The following CROT variants were observed in gnomAD, a reference collection of about 807,000 sequenced individuals.
The protein encoded by CROT is carnitine O-octanoyltransferase, also known as peroxisomal carnitine O-octanoyltransferase.
CROT carries 84 observed loss-of-function variants against 89.2 expected under a neutral mutation model. The observed-to-expected ratio is 0.94, with a 90% CI of 0.79 to 1.13. CROT has a LOEUF of 1.13. CROT is among the 50% of genes most tolerant of loss of function. The pLI is 0.00. For missense variants in CROT, 711 were observed against 727.8 expected, an observed-to-expected ratio of 0.98 and a Z score of 0.27; for synonymous variants, 212 against 239.5, an observed-to-expected ratio of 0.89 and a Z score of 1.06.
chr7:87,353,230 C>A (rs932515070), intron 3 of CROT, among the ~76,000 whole-genome samples: 6 of 152,006 alleles, frequency 3.9e-5, no homozygotes, highest in Admixed American at 3.9e-4. Context: ...TCACTGCAAC[C>A]TCTGCTCCCT....
chr7:87,378,889 G>T (rs1438155709), intron 10 of CROT, among the ~76,000 whole-genome samples: 1 of 152,148 alleles, frequency 6.6e-6, no homozygotes, highest in Non-Finnish European at 1.5e-5. Context: ...TTGGTTAATA[G>T]GCACTGAAAG....
intron 17 of CROT, among the ~76,000 whole-genome samples, chr7:87,394,041 A>G (rs1807448774): frequency 6.6e-6 from 1 of 152,202 alleles, no homozygotes; most frequent in East Asian, 1.9e-4. Context: ...TACAAAGTTG[A>G]AATTTATCAA....
chr7:87,379,677 T>C (rs1478465487), intron 10 of CROT, among the ~76,000 whole-genome samples: 1 of 152,236 alleles, frequency 6.6e-6, no homozygotes, highest in Non-Finnish European at 1.5e-5. Context: ...TTTATGTGTG[T>C]GCATTAACAT....
rs776822170 is a variant in CROT at position 87,382,481 on chromosome 7, G to A, written c.1239G>A (p.Met413Ile). Residue 413 changes from methionine (M) to isoleucine (I), a missense_variant, in exon 13 of 18, where the codon ATG becomes ATA. Coordinates refer to ENST00000331536, the MANE Select transcript of CROT (RefSeq NM_021151.4). Reference sequence around the variant, plus strand: ...GCAAAAAGCTAACCAAGAACAAGATGCTTCACCCGGATACGTTTATTCAGC... The same window carrying A: ...GCAAAAAGCTAACCAAGAACAAGATACTTCACCCGGATACGTTTATTCAGC... Reference protein sequence around the residue: ...SFGKKLTKNKMLHPDTFIQLA... With the variant: ...SFGKKLTKNKILHPDTFIQLA... 3.7e-6 allele frequency: 6 copies of A among 1,613,810 alleles called. No individual in the cohort carries two copies. The African/African-American group carries it at 8.0e-5, about 22-fold the overall frequency.
intron 7 of CROT, among the ~76,000 whole-genome samples, chr7:87,374,622 A>G (rs1226996866): frequency 6.6e-6 from 1 of 152,094 alleles, no homozygotes; most frequent in Non-Finnish European, 1.5e-5. Flanking sequence ...TTGCTCTGCT[A>G]TAGATGCAGA....
chr7:87,348,698 T>A (rs80073355), intron 2 of CROT, among the ~76,000 whole-genome samples: 3,491 of 152,328 alleles, frequency 0.023, 69 homozygotes, highest in Non-Finnish European at 0.033. Context: ...TATTCATATG[T>A]AAAATTGCAA....
intron 17 of CROT, among the ~76,000 whole-genome samples, chr7:87,395,270 G>GTTT (rs35015515): frequency 1.3e-5 from 2 of 151,858 alleles, no homozygotes; most frequent in East Asian, 1.9e-4. Context: ...GTCTTTTCAG[G>GTTT]TTTTTCTGCC....
chr7:87,373,281 T>G (rs1436160941), intron 7 of CROT, among the ~76,000 whole-genome samples: 1 of 152,162 alleles, frequency 6.6e-6, no homozygotes, highest in Non-Finnish European at 1.5e-5. Flanking sequence ...ATTTTTAAAT[T>G]AGTTTGTTTT....
intron 3 of CROT, chr7:87,357,575 C>G: frequency 1.5e-6 from 2 of 1,303,050 alleles, no homozygotes; most frequent in African/African-American, 2.9e-5. Context: ...GGATCTCACG[C>G]GGGAAGGAAT....
intron 17 of CROT, 43 bp from the exon 18 acceptor site, chr7:87,398,481 G>A (rs1246045111): frequency 6.2e-7 from 1 of 1,609,116 alleles, no homozygotes; most frequent in Non-Finnish European, 8.5e-7. Context: ...ATCACTATTT[G>A]GAGCCTTTTG....
chr7:87,397,729 A>T (rs113942547), intron 17 of CROT, among the ~76,000 whole-genome samples: 1 of 152,214 alleles, frequency 6.6e-6, no homozygotes, highest in Non-Finnish European at 1.5e-5. Flanking sequence ...ATCATTATAT[A>T]CTGGGCTAGA....
chr7:87,373,496 A>G (rs530045228), intron 7 of CROT, among the ~76,000 whole-genome samples: 1 of 152,216 alleles, frequency 6.6e-6, no homozygotes, highest in African/African-American at 2.4e-5. Flanking sequence ...ACCATTGCCT[A>G]ATCTGAGGAC....
chr7:87,399,346 G>C lies in CROT; in HGVS notation c.*702G>C, dbSNP rs973970169. On this transcript the variant is annotated 3_prime_UTR_variant, in exon 18 of 18. Coordinates refer to ENST00000331536, the MANE Select transcript of CROT (RefSeq NM_021151.4). Reference sequence around the variant, plus strand: ...AACTTAGCCGGGTATGGTGGTGCATGTGTGCCTGTAGTCCAAGCTACTTGA... The same window carrying C: ...AACTTAGCCGGGTATGGTGGTGCATCTGTGCCTGTAGTCCAAGCTACTTGA... The C allele has an allele frequency of 3.3e-5, 5 of 152,302 alleles. No homozygotes were observed. Among genetic ancestry groups the C allele is most frequent in the Middle Eastern group, 3.2e-3 (1 of 316 alleles). The allele number at this position is 152,302 out of a possible 1,614,324, so 9.4% of individuals were successfully genotyped here. A position where few individuals can be genotyped will look rare whatever the true frequency, so the allele number is the denominator to read the frequency against.
intron 3 of CROT, among the ~76,000 whole-genome samples, chr7:87,352,801 T>C (rs1470580683): frequency 6.6e-6 from 1 of 152,250 alleles, no homozygotes. Flanking sequence ...AGCCCATACG[T>C]AGCCAAATAC....
chr7:87,375,401 A>T, intron 7 of CROT: 1 of 447,624 alleles, frequency 2.2e-6, no homozygotes, highest in Non-Finnish European at 4.0e-6. Context: ...TTTAGCCAAT[A>T]ACTAAATTTA....
intron 17 of CROT, among the ~76,000 whole-genome samples, chr7:87,395,483 G>A (rs1281880738): frequency 1.3e-5 from 2 of 152,154 alleles, no homozygotes; most frequent in African/African-American, 2.4e-5. Context: ...GCAAGCATCA[G>A]GCTTTAAGGC....
intron 3 of CROT, among the ~76,000 whole-genome samples, chr7:87,358,821 C>A (rs1806182439): frequency 6.6e-6 from 1 of 152,054 alleles, no homozygotes; most frequent in South Asian, 2.1e-4. Context: ...TATAAATGGA[C>A]CTGTGCAGTT....
At chr7:87,370,093 CT>C (rs1806583613) in intron 7 of CROT, among the ~76,000 whole-genome samples, 2 of 152,046 alleles carry the variant, frequency 1.3e-5, no homozygotes, top group South Asian at 4.1e-4. Flanking sequence ...ACATAATATC[CT>C]TTCACTATAG....
intron 13 of CROT, among the ~76,000 whole-genome samples, chr7:87,383,194 G>A (rs950864322): frequency 2.0e-5 from 3 of 151,836 alleles, no homozygotes; most frequent in African/African-American, 7.3e-5. Context: ...CTGTGCTATC[G>A]AACACTAGAA....
Sources: gnomAD v4.1 joint callset for allele counts (sites outside exome capture counted in the v4.1 genomes callset) on GRCh38, gnomAD v4.1.1 for gene constraint, MANE v1.5 for transcripts, NCBI Gene and HGNC (gene_info 2026-07-23, HGNC 2026-07-21) for gene names.